The following ALPL variants were observed in gnomAD, a reference collection of about 807,000 sequenced individuals.
The protein encoded by ALPL is alkaline phosphatase, biomineralization associated, also known as alkaline phosphatase, tissue-nonspecific isozyme.
Under a neutral mutation model 51.3 loss-of-function variants are expected in ALPL, and 42 were observed. The ratio of observed to expected loss-of-function variants is 0.82; its 90% CI spans 0.64 to 1.06. The LOEUF is 1.06. Among genes scored for constraint, ALPL ranks in the 50% least tolerant of loss-of-function variants. The pLI is 0.00. For synonymous variants in ALPL, 279 were observed against 296.4 expected, an observed-to-expected ratio of 0.94 and a Z score of 0.60; for missense variants, 589 against 709.4, an observed-to-expected ratio of 0.83 and a Z score of 1.93.
chr1:21,575,911 C>T lies in ALPL; in HGVS notation c.1176C>T (p.Gly392=), dbSNP rs375767924. The T allele has an allele frequency of 1.2e-6, 2 of 1,614,108 alleles. No individual in the cohort carries two copies. Among genetic ancestry groups the T allele is most frequent in the Non-Finnish European group, 1.7e-6 (2 of 1,180,046 alleles). Residue 392 remains glycine (G), a synonymous_variant, in exon 10 of 12, where the codon GGC becomes GGT. Coordinates refer to ENST00000374840, the MANE Select transcript of ALPL (RefSeq NM_000478.6). ...CATTTGGTGGATACACCCCCCGTGGCAACTCTATCTTTGGTAGGTGGGCCT... is the reference window on the plus strand; with the variant it reads ...CATTTGGTGGATACACCCCCCGTGGTAACTCTATCTTTGGTAGGTGGGCCT... The part of the protein sequence containing the change: ...VFTFGGYTPR[G]NSIFGLAPML...
At chr1:21,565,578 G>C (rs1055196800) in intron 6 of ALPL, among the ~76,000 whole-genome samples, 1 of 151,996 alleles carries the variant, frequency 6.6e-6, no homozygotes, top group African/African-American at 2.4e-5. Context: ...AAATTCGAGG[G>C]GAGGGAAGAT....
chr1:21,520,311 G>A (rs1643870754), intron 1 of ALPL, among the ~76,000 whole-genome samples: 1 of 151,086 alleles, frequency 6.6e-6, no homozygotes, highest in South Asian at 2.1e-4. Context: ...TTTTTATTTT[G>A]TGAGATGAGG....
intron 9 of ALPL, chr1:21,574,081 C>T (rs1644691942): frequency 1.0e-6 from 1 of 985,346 alleles, no homozygotes; most frequent in Non-Finnish European, 1.2e-6. Context: ...TCTTGGGGAC[C>T]TGGCCCTGAA....
intron 1 of ALPL, among the ~76,000 whole-genome samples, chr1:21,546,971 G>A (rs1006015902): frequency 6.6e-6 from 1 of 152,214 alleles, no homozygotes; most frequent in South Asian, 2.1e-4. Context: ...TACTAGCCAA[G>A]GGGTTCCCTT....
chr1:21,574,045 G>A (rs542668971), intron 9 of ALPL: 7 of 985,470 alleles, frequency 7.1e-6, no homozygotes, highest in African/African-American at 5.2e-5. Context: ...GGGAGAGGAG[G>A]CAGATTTCTC....
intron 1 of ALPL, among the ~76,000 whole-genome samples, chr1:21,530,641 A>AT (rs1472348708): frequency 1.3e-5 from 2 of 152,138 alleles, no homozygotes; most frequent in East Asian, 3.8e-4. Flanking sequence ...AGAAGGGGCT[A>AT]TATGCCTAGG....
chr1:21,570,490 T>C (rs1644632154), intron 8 of ALPL, 116 bp downstream of exon 8: 1 of 1,090,098 alleles, frequency 9.2e-7, no homozygotes, highest in Non-Finnish European at 1.4e-6. Context: ...GGGCCTCTGC[T>C]CTTGGGCTTC....
intron 1 of ALPL, among the ~76,000 whole-genome samples, chr1:21,514,354 C>A (rs1198389697): frequency 1.3e-5 from 2 of 152,216 alleles, no homozygotes; most frequent in Non-Finnish European, 2.9e-5. Flanking sequence ...CCCCAAGAGC[C>A]CTGTGCATTG....
intron 1 of ALPL, among the ~76,000 whole-genome samples, chr1:21,528,342 G>GTTTTTTTTTTTTTTTTT (rs11368122): frequency 8.9e-6 from 1 of 111,944 alleles, no homozygotes; most frequent in Non-Finnish European, 1.8e-5. Flanking sequence ...GACCTATTCA[G>GTTTTTTTTTTTTTTTTT]TTTTTTTTTT....
intron 4 of ALPL, 115 bp downstream of exon 4, chr1:21,561,327 GC>G: frequency 1.2e-6 from 1 of 859,048 alleles, no homozygotes; most frequent in Non-Finnish European, 1.9e-6. Flanking sequence ...CCATGCCCAA[GC>G]CCACTCCCCA....
intron 1 of ALPL, among the ~76,000 whole-genome samples, chr1:21,522,456 C>T (rs537071580): frequency 3.3e-5 from 5 of 152,264 alleles, no homozygotes; most frequent in African/African-American, 9.6e-5. Context: ...GCACCTGAGG[C>T]TCAGAGAGAT....
At chr1:21,550,081 C>T (rs1644301703) in intron 1 of ALPL, among the ~76,000 whole-genome samples, 1 of 152,130 alleles carries the variant, frequency 6.6e-6, no homozygotes, top group Non-Finnish European at 1.5e-5. Flanking sequence ...TGGTGGAGGA[C>T]AGATCAGGGA....
rs537814225 is a variant in ALPL, at chr1:21,561,119, G to A, written c.204G>A (p.Thr68=). Residue 68 remains threonine (T), a synonymous_variant, in exon 4 of 12, where the codon ACG becomes ACA. Coordinates refer to ENST00000374840, the MANE Select transcript of ALPL (RefSeq NM_000478.6). ...CAGGGATGGGTGTCTCCACAGTGAC[G>A]GCTGCCCGCATCCTCAAGGGTCAGC... The part of the protein sequence containing the change: ...LGDGMGVSTV[T]AARILKGQLH... The A allele has an allele frequency of 1.9e-5, 31 of 1,612,030 alleles. No individual in the cohort carries two copies. The highest frequency in any genetic ancestry group is 1.2e-4 in the African/African-American group (9 of 74,964).
At position 21,575,933 on chromosome 1, in the gene ALPL, G is replaced by T. The variant is rs762501991; in HGVS notation, c.1189+9G>T. The T allele has an allele frequency of 5.6e-6, 9 of 1,614,100 alleles. No individual in the cohort carries two copies. In the East Asian group the frequency reaches 2.0e-4, roughly 36 times the overall value. On this transcript the variant is annotated intron_variant, in intron 10 of 11. Transcript: ENST00000374840. Reference sequence around the variant, plus strand: ...TGGCAACTCTATCTTTGGTAGGTGGGCCTTCTTTGGGGTGGACACTCCTGG... The same window carrying T: ...TGGCAACTCTATCTTTGGTAGGTGGTCCTTCTTTGGGGTGGACACTCCTGG...
intron 1 of ALPL, among the ~76,000 whole-genome samples, chr1:21,530,954 A>ATTTTTTTTT (rs34079543): frequency 9.6e-6 from 1 of 103,988 alleles, no homozygotes; most frequent in African/African-American, 4.0e-5. Context: ...ATCATTTTTG[A>ATTTTTTTTT]TTTTTTTTTT....
At chr1:21,540,890 C>T (rs1302214827) in intron 1 of ALPL, among the ~76,000 whole-genome samples, 1 of 152,204 alleles carries the variant, frequency 6.6e-6, no homozygotes, top group Non-Finnish European at 1.5e-5. Context: ...CAGGTTACTC[C>T]TTTCTTCCCA....
chr1:21,552,735 T>C (rs1347170272), intron 1 of ALPL, among the ~76,000 whole-genome samples: 2 of 152,126 alleles, frequency 1.3e-5, no homozygotes, highest in Non-Finnish European at 2.9e-5. Flanking sequence ...TAAACAACTT[T>C]TAAAAAATGT....
chr1:21,540,308 C>G (rs367612512), intron 1 of ALPL, among the ~76,000 whole-genome samples: 1 of 140,990 alleles, frequency 7.1e-6, no homozygotes, highest in Non-Finnish European at 1.6e-5. Flanking sequence ...CTCCCTACTG[C>G]GCCTCCCTGC....
intron 1 of ALPL, among the ~76,000 whole-genome samples, chr1:21,517,898 C>T (rs1643830546): frequency 6.6e-6 from 1 of 151,966 alleles, no homozygotes; most frequent in Non-Finnish European, 1.5e-5. Flanking sequence ...AAGTACAGTG[C>T]TCCAGACAGC....
Sources: allele counts gnomAD v4.1 joint callset (sites outside exome capture counted in the v4.1 genomes callset), GRCh38; gene constraint gnomAD v4.1.1; transcripts MANE v1.5; gene names NCBI Gene and HGNC (gene_info 2026-07-23, HGNC 2026-07-21).